Variants in TBX19 observed in about 807,000 individuals in gnomAD.
TBX19 encodes the protein T-box transcription factor 19.
TBX19 carries 33 observed loss-of-function variants against 40.9 expected under a neutral mutation model. That is an observed-to-expected ratio of 0.81 (90% CI 0.61 to 1.08). The LOEUF is 1.08. Among genes scored for constraint, TBX19 ranks in the 50% least tolerant of loss-of-function variants. The pLI is 0.00. For synonymous variants in TBX19, 220 were observed against 225.0 expected, an observed-to-expected ratio of 0.98 and a Z score of 0.20; for missense variants, 494 against 574.0, an observed-to-expected ratio of 0.86 and a Z score of 1.42.
At chr1:168,296,105 C>T (rs1435991480) in intron 3 of TBX19, among the ~76,000 whole-genome samples, 1 of 152,150 alleles carries the variant, frequency 6.6e-6, no homozygotes, top group Non-Finnish European at 1.5e-5. Flanking sequence ...AGATGCACCC[C>T]GAGTGGCGAG....
intron 1 of TBX19, among the ~76,000 whole-genome samples, chr1:168,284,768 CAAAAAAAAAA>C (rs146281397): frequency 1.3e-5 from 1 of 75,022 alleles, no homozygotes; most frequent in Non-Finnish European, 2.5e-5. Context: ...GACCGTGTCT[CAAAAAAAAAA>C]AAAAAAAAAA....
intron 3 of TBX19, among the ~76,000 whole-genome samples, chr1:168,297,191 T>C (rs1366773908): frequency 2.6e-5 from 4 of 152,184 alleles, no homozygotes; most frequent in Non-Finnish European, 5.9e-5. Context: ...ATGGCAGTGA[T>C]AGTTTGCTTT....
intron 6 of TBX19, among the ~76,000 whole-genome samples, chr1:168,307,485 C>T (rs1474451488): frequency 6.6e-6 from 1 of 152,014 alleles, no homozygotes; most frequent in Non-Finnish European, 1.5e-5. Flanking sequence ...GGGTAGAGCC[C>T]CCATGGCCTA....
intron 1 of TBX19, among the ~76,000 whole-genome samples, chr1:168,283,545 G>C (rs1309499897): frequency 6.6e-6 from 1 of 152,048 alleles, no homozygotes; most frequent in Non-Finnish European, 1.5e-5. Flanking sequence ...CATCTTTCTT[G>C]CTTCATCTTC....
intron 1 of TBX19, among the ~76,000 whole-genome samples, chr1:168,288,636 A>G (rs1648861684): frequency 6.6e-6 from 1 of 152,214 alleles, no homozygotes; most frequent in Admixed American, 6.5e-5. Flanking sequence ...GACACCAGCC[A>G]TGCTCTCATG....
chr1:168,301,191 C>T (rs1412498927), intron 5 of TBX19, among the ~76,000 whole-genome samples: 1 of 152,228 alleles, frequency 6.6e-6, no homozygotes, highest in Non-Finnish European at 1.5e-5. Flanking sequence ...CTTCTTCCTT[C>T]CCTTCAATCT....
intron 6 of TBX19, among the ~76,000 whole-genome samples, chr1:168,307,393 AAG>A (rs1338189080): frequency 1.3e-5 from 2 of 152,012 alleles, no homozygotes; most frequent in Non-Finnish European, 2.9e-5. Flanking sequence ...TGGTGGGGGA[AAG>A]AGGGGGAGAG....
At chr1:168,311,192 G>A (rs1649512487) in intron 7 of TBX19, among the ~76,000 whole-genome samples, 1 of 151,814 alleles carries the variant, frequency 6.6e-6, no homozygotes, top group Non-Finnish European at 1.5e-5. Flanking sequence ...ACAATCATGT[G>A]CCAAGTTGTA....
intron 5 of TBX19, among the ~76,000 whole-genome samples, chr1:168,300,988 G>A (rs1649261921): frequency 6.6e-6 from 1 of 152,202 alleles, no homozygotes; most frequent in African/African-American, 2.4e-5. Context: ...AGGTAGTGTT[G>A]GATGTTCCCA....
At chr1:168,293,039 C>A in intron 2 of TBX19, 105 bp from the exon 3 acceptor site, 1 of 1,582,162 alleles carries the variant, frequency 6.3e-7, no homozygotes, top group Non-Finnish European at 8.6e-7. Flanking sequence ...TGTCCCTAAC[C>A]GGGGTGGTGC....
In TBX19 at chr1:168,293,284, A is replaced by AGTGT. The variant is rs57039241; in HGVS notation, c.603+45_603+48dup. ...CTGCCTATCAGAATGAGGAGGTAAG[A>AGTGT]GTGTGTGTGTGTGTGTGTGTGTGTG... On this transcript the variant is annotated splice_region_variant and intron_variant, in intron 3 of 7. Coordinates refer to ENST00000367821, the MANE Select transcript of TBX19 (RefSeq NM_005149.3). 0.068 allele frequency: 85,252 copies of AGTGT among 1,262,958 alleles called. 1,266 individuals are homozygous for AGTGT. Among genetic ancestry groups the AGTGT allele is most frequent in the Admixed American group, 0.13 (5,912 of 45,558 alleles). 78.2% of individuals were successfully genotyped at this position (1,262,958 alleles called of 1,614,324 possible). A position where few individuals can be genotyped will look rare whatever the true frequency, so the allele number is the denominator to read the frequency against.
intron 1 of TBX19, among the ~76,000 whole-genome samples, chr1:168,282,625 TAGA>T (rs1219480593): frequency 1.3e-5 from 2 of 152,256 alleles, no homozygotes; most frequent in African/African-American, 4.8e-5. Flanking sequence ...GCTTCTTTCA[TAGA>T]AGAAAACATA....
At chr1:168,286,928 C>G (rs547282048) in intron 1 of TBX19, among the ~76,000 whole-genome samples, 1 of 152,336 alleles carries the variant, frequency 6.6e-6, no homozygotes, top group East Asian at 1.9e-4. Context: ...ATCCTAGTGG[C>G]CATGAAGTGG....
intron 7 of TBX19, 150 bp downstream of exon 7, chr1:168,309,027 T>C: frequency 9.3e-7 from 1 of 1,079,688 alleles, no homozygotes; most frequent in East Asian, 2.5e-5. Flanking sequence ...GGCAACAGGG[T>C]GGAGTTCTTT....
At position 168,293,290 on chromosome 1, in the gene TBX19, TGTGTG is replaced by T. The variant is rs758468474; in HGVS notation, c.603+13_603+17del. 5,822 of 1,448,940 alleles carry T rather than the reference TGTGTG, an allele frequency of 4.0e-3. 117 individuals are homozygous for T. The African/African-American group carries it at 0.067, about 17-fold the overall frequency. 89.8% of individuals were successfully genotyped at this position (1,448,940 alleles called of 1,614,324 possible). On this transcript the variant is annotated intron_variant, in intron 3 of 7. Transcript: ENST00000367821. ...ATCAGAATGAGGAGGTAAGAGTGTG[TGTGTG>T]TGTGTGTGTGTGTGTGTGTGTGTGT...
At position 168,313,145 on chromosome 1, in the gene TBX19, A is replaced by G. The variant is rs1000384087; in HGVS notation, c.*143A>G. On this transcript the variant is annotated 3_prime_UTR_variant, in exon 8 of 8. Coordinates refer to ENST00000367821, the MANE Select transcript of TBX19 (RefSeq NM_005149.3). ...GGAGGTGGGTTATTACAGAAGTCAT[A>G]CTGGGAGAGGGTTCAGTTTGGATGA... is the stretch of plus-strand genomic sequence containing the variant. 50 of 1,004,320 alleles carry G rather than the reference A, an allele frequency of 5.0e-5. 1 individual carries two copies. Among genetic ancestry groups the G allele is most frequent in the Admixed American group, 2.9e-4 (14 of 48,612 alleles). 62.2% of individuals were successfully genotyped at this position (1,004,320 alleles called of 1,614,324 possible).
chr1:168,298,312 A>T (rs1649168141), intron 4 of TBX19, among the ~76,000 whole-genome samples: 1 of 152,160 alleles, frequency 6.6e-6, no homozygotes, highest in Admixed American at 6.5e-5. Context: ...TTAACTAACA[A>T]TTTTTTTTAA....
In TBX19 at chr1:168,313,194, C is replaced by G; in HGVS notation, c.*192C>G. Reference sequence around the variant, plus strand: ...GATGCTAGTTAGATCATTTGCATCTCTCCACCATTTTCTTCTGCACTCCCA... The same window carrying G: ...GATGCTAGTTAGATCATTTGCATCTGTCCACCATTTTCTTCTGCACTCCCA... On this transcript the variant is annotated 3_prime_UTR_variant, in exon 8 of 8. Transcript: ENST00000367821. The G allele has an allele frequency of 1.5e-6, 1 of 665,130 alleles. No individual in the cohort carries two copies. Among genetic ancestry groups the G allele is most frequent in the African/African-American group, 1.8e-5 (1 of 55,278 alleles). 41.2% of individuals were successfully genotyped at this position (665,130 alleles called of 1,614,324 possible). A position where few individuals can be genotyped will look rare whatever the true frequency, so the allele number is the denominator to read the frequency against.
At chr1:168,308,971 G>A in intron 7 of TBX19, 94 bp downstream of exon 7, 3 of 1,563,386 alleles carry the variant, frequency 1.9e-6, no homozygotes, top group Non-Finnish European at 2.6e-6. Context: ...AGGGTGGCTT[G>A]GTCTAACCTA....
Sources: gnomAD v4.1 joint callset for allele counts (sites outside exome capture counted in the v4.1 genomes callset) on GRCh38, gnomAD v4.1.1 for gene constraint, MANE v1.5 for transcripts, NCBI Gene and HGNC (gene_info 2026-07-23, HGNC 2026-07-21) for gene names.